Variants in ZNF614 observed in about 807,000 individuals in gnomAD.
ZNF614 encodes zinc finger protein 614.
A neutral mutation model predicts 12.8 loss-of-function variants in ZNF614; 11 were observed. The ratio of observed to expected loss-of-function variants is 0.86; its 90% CI spans 0.54 to 1.43. The LOEUF (loss-of-function observed/expected upper bound fraction) is 1.43, where lower values mean the gene tolerates loss of function less well. ZNF614 is among the 40% of genes most tolerant of loss of function. ZNF614 has a pLI of 0.00. For missense variants in ZNF614, 664 were observed against 708.8 expected (o/e 0.94, Z 0.72); for synonymous variants, 237 against 237.5 (o/e 1.00, Z 0.02).
At position 52,015,948 on chromosome 19, in the gene ZNF614, G is replaced by T. The variant is rs756601400; in HGVS notation, c.1650C>A (p.His550Gln). The T allele has an allele frequency of 6.2e-6, 10 of 1,614,062 alleles. No individual in the cohort carries two copies. The highest frequency in any genetic ancestry group is 8.5e-6 in the Non-Finnish European group (10 of 1,180,026). ...GCSDCEKAFSHLSNLVKHKKM... is the reference protein window; with the variant it reads ...GCSDCEKAFSQLSNLVKHKKM... ...TCTTATGTTTGACAAGGTTTGATAA[G>T]TGGGAGAAGGCTTTCTCACAATCAC... Residue 550 changes from histidine to glutamine, a missense_variant, in exon 5 of 5, where the codon CAC (histidine) becomes CAA (glutamine). By Grantham distance (24) the His-to-Gln change is conservative. Coordinates refer to ENST00000270649, the MANE Select transcript of ZNF614 (RefSeq NM_025040.4).
In ZNF614 at chr19:52,017,347, A is replaced by C; in HGVS notation, c.251T>G (p.Val84Gly). ...QNKNCPGIGKVDSHLQEHSPN... is the reference protein window; with the variant it reads ...QNKNCPGIGKGDSHLQEHSPN... ...AGAGTGCTCTTGCAGATGACTGTCA[A>C]CTTTCCCGATTCCTAAGAAAGAACA... The change falls in exon 5 of 5, where the codon GTT (valine) becomes GGT (glycine). Residue 84 changes from valine (V) to glycine (G), a missense_variant. Physicochemically the swap from Val to Gly is moderately radical, Grantham distance 109 (BLOSUM62 -3). Coordinates refer to ENST00000270649, the MANE Select transcript of ZNF614 (RefSeq NM_025040.4). 1 of 1,594,394 alleles carries C rather than the reference A, an allele frequency of 6.3e-7. No homozygotes were observed. The highest frequency in any genetic ancestry group is 2.2e-5 in the East Asian group (1 of 44,706).
rs2086891574 is a variant in ZNF614 at position 52,015,689 on chromosome 19, A to C, written c.*151T>G. Reference sequence around the variant, plus strand: ...ATTGATCTCTAGGGCAAATTATTTCACCTCCTGAGGACAGACACACATCTG... The same window carrying C: ...ATTGATCTCTAGGGCAAATTATTTCCCCTCCTGAGGACAGACACACATCTG... On this transcript the variant is annotated 3_prime_UTR_variant, in exon 5 of 5. Transcript: ENST00000270649. 1.4e-6 allele frequency: 1 copy of C among 708,804 alleles called. No homozygotes were observed. Among genetic ancestry groups the C allele is most frequent in the African/African-American group, 1.8e-5 (1 of 56,548 alleles). 43.9% of individuals were successfully genotyped at this position (708,804 alleles called of 1,614,324 possible).
chr19:52,015,950 G>A lies in ZNF614; in HGVS notation c.1648C>T (p.His550Tyr), dbSNP rs1163734776. 36 of 1,614,032 alleles carry A rather than the reference G, an allele frequency of 2.2e-5. No homozygotes were observed. The highest frequency in any genetic ancestry group is 3.1e-5 in the Non-Finnish European group (36 of 1,180,024). ...GCSDCEKAFS[H>Y]LSNLVKHKKM... ...TTATGTTTGACAAGGTTTGATAAGT[G>A]GGAGAAGGCTTTCTCACAATCACTG... is the stretch of plus-strand genomic sequence containing the variant. The change falls in exon 5 of 5, where the codon CAC becomes TAC. Residue 550 changes from histidine to tyrosine, a missense_variant. Transcript: ENST00000270649.
At chr19:52,017,564 G>A (rs1223644229) in intron 4 of ZNF614, 3 of 503,134 alleles carry the variant, frequency 6.0e-6, no homozygotes, top group African/African-American at 5.8e-5. Flanking sequence ...AGCCGGGCGT[G>A]GTGGCACATG....
At chr19:52,023,634 T>A (rs575131722) in intron 2 of ZNF614, among the ~76,000 whole-genome samples, 19 of 152,268 alleles carry the variant, frequency 1.2e-4, no homozygotes, top group Non-Finnish European at 2.1e-4. Flanking sequence ...AAGACACACC[T>A]ATTTCTCAGG....
intron 1 of ZNF614, among the ~76,000 whole-genome samples, chr19:52,026,445 G>A (rs1435493418): frequency 1.3e-5 from 2 of 152,210 alleles, no homozygotes; most frequent in African/African-American, 4.8e-5. Flanking sequence ...AAGGCAGTAT[G>A]CTTGGTAAAA....
At position 52,016,784 on chromosome 19, in the gene ZNF614, T is replaced by C. The variant is rs767392777; in HGVS notation, c.814A>G (p.Ser272Gly). 1 of 1,614,194 alleles carries C rather than the reference T, an allele frequency of 6.2e-7. No homozygotes were observed. The highest frequency in any genetic ancestry group is 8.5e-7 in the Non-Finnish European group (1 of 1,180,042). Residue 272 changes from serine (S) to glycine (G), a missense_variant, in exon 5 of 5, where the codon AGT (serine) becomes GGT (glycine). Physicochemically the swap from Ser to Gly is moderately conservative, Grantham distance 56. Coordinates refer to ENST00000270649, the MANE Select transcript of ZNF614 (RefSeq NM_025040.4). ...GTTTGTTGATGTGTAATGAGACTAC[T>C]CTTCACAGTAGAGCCTTTTCTATAT... ...NEYRKGSTVKSSLITHQQTHT... is the reference protein window; with the variant it reads ...NEYRKGSTVKGSLITHQQTHT...
At chr19:52,022,390 C>T (rs1304363475) in intron 2 of ZNF614, among the ~76,000 whole-genome samples, 1 of 151,952 alleles carries the variant, frequency 6.6e-6, no homozygotes, top group Non-Finnish European at 1.5e-5. Context: ...CCCACACCAC[C>T]GCCGCCATCT....
At position 52,018,196 on chromosome 19, in the gene ZNF614, C is replaced by A. The variant is rs1297167103; in HGVS notation, c.143-93G>T. ...ATACATTCGATGAAGAAAACAATTT[C>A]AAAGTAAGCATTCTGTCTTAGAAGA... On this transcript the variant is annotated intron_variant, in intron 3 of 4. Transcript: ENST00000270649. 3 of 1,455,022 alleles carry A rather than the reference C, an allele frequency of 2.1e-6. No homozygotes were observed. In the African/African-American group the frequency reaches 4.2e-5, roughly 20 times the overall value. The allele number at this position is 1,455,022 out of a possible 1,614,324, so 90.1% of individuals were successfully genotyped here.
chr19:52,022,271 G>A (rs1326823107), intron 2 of ZNF614, among the ~76,000 whole-genome samples: 8 of 152,308 alleles, frequency 5.3e-5, no homozygotes, highest in Middle Eastern at 3.4e-3. Flanking sequence ...CTACAAGACT[G>A]CCTCCTCTTG....
At position 52,018,395 on chromosome 19, in the gene ZNF614, C is replaced by T; in HGVS notation, c.115G>A (p.Glu39Lys). Residue 39 changes from glutamate to lysine, a missense_variant, in exon 3 of 5, where the codon GAG becomes AAG. Transcript: ENST00000270649. ...AGTGATACTAGGTGGTTATAGTTCT[C>T]CACCATCACATCCCGGTACAGGTTC... ...QKNLYRDVMVENYNHLVSLGY... is the reference protein window; with the variant it reads ...QKNLYRDVMVKNYNHLVSLGY... 6.2e-7 allele frequency: 1 copy of T among 1,614,122 alleles called. No homozygotes were observed. Among genetic ancestry groups the T allele is most frequent in the Non-Finnish European group, 8.5e-7 (1 of 1,180,038 alleles).
At chr19:52,020,007 G>A (rs563535467) in intron 2 of ZNF614, among the ~76,000 whole-genome samples, 18 of 152,312 alleles carry the variant, frequency 1.2e-4, no homozygotes, top group African/African-American at 4.1e-4. Flanking sequence ...CTGGGTAAGT[G>A]TAAAGTTAAA....
chr19:52,015,899 T>A lies in ZNF614; in HGVS notation c.1699A>T (p.Arg567Ter), dbSNP rs753672766. ...HKKMHTREMG[R>*]ISQVENSCNG... is the part of the protein sequence containing the mutation. ...CAGGAGTTTTCAACTTGACTGATTCTACCCATTTCTCTTGTGTGCATTTTC... is the reference window on the plus strand; with the variant it reads ...CAGGAGTTTTCAACTTGACTGATTCAACCCATTTCTCTTGTGTGCATTTTC... The change falls in exon 5 of 5, where the codon AGA becomes TGA. Residue 567 changes from arginine to a stop codon, truncating the protein, a stop_gained. Coordinates refer to ENST00000270649, the MANE Select transcript of ZNF614 (RefSeq NM_025040.4). LOFTEE classifies it low-confidence loss of function (END_TRUNC). The A allele has an allele frequency of 3.1e-6, 5 of 1,614,054 alleles. No homozygotes were observed. The South Asian group carries it at 5.5e-5, about 18-fold the overall frequency.
Position 52,016,300 on chromosome 19 carries a change from C to T in ZNF614, c.1298G>A (p.Gly433Asp), listed in dbSNP as rs767204005. Reference protein sequence around the residue: ...GEKSYICNECGKGFTTKRTLI... With the variant: ...GEKSYICNECDKGFTTKRTLI... ...AGTGCGCTTTGTGGTGAAGCCTTTACCACATTCATTGCATATGTAAGATTT... is the reference window on the plus strand; with the variant it reads ...AGTGCGCTTTGTGGTGAAGCCTTTATCACATTCATTGCATATGTAAGATTT... The change falls in exon 5 of 5, where the codon GGT (glycine) becomes GAT (aspartate). Residue 433 changes from glycine (G) to aspartate (D), a missense_variant. Physicochemically the swap from Gly to Asp is moderately conservative, Grantham distance 94. Transcript: ENST00000270649. The T allele has an allele frequency of 5.0e-6, 8 of 1,614,036 alleles. No homozygotes were observed. Among genetic ancestry groups the T allele is most frequent in the Non-Finnish European group, 4.2e-6 (5 of 1,180,046 alleles).
In ZNF614 at chr19:52,016,242, T is replaced by C. The variant is rs2086895940; in HGVS notation, c.1356A>G (p.Glu452=). The part of the protein sequence containing the change: ...LIIHQRTHTG[E]KPYECNECGK... ...CACATTCATTGCATTCATAGGGTTTTTCTCCTGTATGAGTTCGCTGATGTA... is the reference window on the plus strand; with the variant it reads ...CACATTCATTGCATTCATAGGGTTTCTCTCCTGTATGAGTTCGCTGATGTA... The change falls in exon 5 of 5, where the codon GAA becomes GAG. Residue 452 remains glutamate (E), a synonymous_variant. Coordinates refer to ENST00000270649, the MANE Select transcript of ZNF614 (RefSeq NM_025040.4). 1 of 1,614,118 alleles carries C rather than the reference T, an allele frequency of 6.2e-7. No individual in the cohort carries two copies. Among genetic ancestry groups the C allele is most frequent in the Non-Finnish European group, 8.5e-7 (1 of 1,179,996 alleles).
intron 1 of ZNF614, among the ~76,000 whole-genome samples, chr19:52,027,271 CTG>C (rs1440868070): frequency 6.6e-6 from 1 of 152,236 alleles, no homozygotes; most frequent in Non-Finnish European, 1.5e-5. Flanking sequence ...TCGAAAGTCT[CTG>C]TAAGCTCTTT....
chr19:52,021,064 T>C (rs2086930252), intron 2 of ZNF614, among the ~76,000 whole-genome samples: 1 of 152,230 alleles, frequency 6.6e-6, no homozygotes. Flanking sequence ...TCTGTCATTT[T>C]CTAGCTTTGA....
rs1018339532 is a variant in ZNF614 at position 52,013,634 on chromosome 19, T to C, written c.*2206A>G. 5 of 152,208 alleles carry C rather than the reference T, an allele frequency of 3.3e-5. No individual in the cohort carries two copies. Among genetic ancestry groups the C allele is most frequent in the Admixed American group, 1.3e-4 (2 of 15,280 alleles). The allele number at this position is 152,208 out of a possible 1,614,324, so 9.4% of individuals were successfully genotyped here. Reference sequence around the variant, plus strand: ...ACCATTTACAAAAACAATTTTATTTTTATCATATTCATGAAATGATGAAAT... The same window carrying C: ...ACCATTTACAAAAACAATTTTATTTCTATCATATTCATGAAATGATGAAAT... On this transcript the variant is annotated 3_prime_UTR_variant, in exon 5 of 5. Coordinates refer to ENST00000270649, the MANE Select transcript of ZNF614 (RefSeq NM_025040.4).
chr19:52,022,899 C>T (rs2086941013), intron 2 of ZNF614, among the ~76,000 whole-genome samples: 1 of 151,786 alleles, frequency 6.6e-6, no homozygotes, highest in African/African-American at 2.4e-5. Context: ...GGTATGTTCA[C>T]AAACCTGAAG....
Sources: gnomAD v4.1 joint callset for allele counts (sites outside exome capture counted in the v4.1 genomes callset) on GRCh38, gnomAD v4.1.1 for gene constraint, MANE v1.5 for transcripts, NCBI Gene and HGNC (gene_info 2026-07-23, HGNC 2026-07-21) for gene names.